Variants in PCDHA4 observed in about 807,000 individuals in gnomAD.
The protein encoded by PCDHA4 is protocadherin alpha 4.
PCDHA4 carries 49 observed loss-of-function variants against 61.4 expected under a neutral mutation model. That is an observed-to-expected ratio of 0.80 (90% CI 0.63 to 1.01). The LOEUF (loss-of-function observed/expected upper bound fraction) is 1.01. Among genes scored for constraint, PCDHA4 ranks in the 50% least tolerant of loss-of-function variants. PCDHA4 has a pLI of 0.00. For missense variants in PCDHA4, 1,254 were observed against 1,235.8 expected (o/e 1.01, Z -0.22); for synonymous variants, 590 against 550.3 (o/e 1.07, Z -1.01).
At chr5:140,924,697 C>A (rs1443260109) in intron 1 of PCDHA4, among the ~76,000 whole-genome samples, 5 of 151,946 alleles carry the variant, frequency 3.3e-5, no homozygotes, top group Admixed American at 2.6e-4. Context: ...GAGTTCGAGA[C>A]CAGCTTGTGC....
intron 1 of PCDHA4, among the ~76,000 whole-genome samples, chr5:140,888,286 C>T (rs1277980750): frequency 6.6e-6 from 1 of 152,080 alleles, no homozygotes; most frequent in African/African-American, 2.4e-5. Context: ...TCCCCTCTAC[C>T]CCCTACCCAG....
intron 3 of PCDHA4, among the ~76,000 whole-genome samples, chr5:141,000,385 C>A (rs868983393): frequency 3.1e-5 from 2 of 64,984 alleles, no homozygotes; most frequent in South Asian, 5.2e-4. Flanking sequence ...CTCTCTCTCT[C>A]TCTCTCTCTC....
chr5:140,842,130 A>G (rs2150330073), intron 1 of PCDHA4: 80 of 1,613,774 alleles, frequency 5.0e-5, no homozygotes, highest in Non-Finnish European at 6.6e-5. Context: ...TCTGATCCGG[A>G]TGAAGGAGCC....
Position 140,910,416 on chromosome 5 carries a change from A to G in PCDHA4, c.2386-68533A>G, listed in dbSNP as rs191093101. Among the ~76,000 whole-genome samples, 67 of 152,280 alleles carry G rather than the reference A, an allele frequency of 4.4e-4. No individual in the cohort carries two copies. In the East Asian group the frequency reaches 0.013, roughly 28 times the overall value. ...CTGGCCCCTGCCACCTCGAGATCCAATTATTCCCATTGCATTTAAGTTTTG... is the reference window on the plus strand; with the variant it reads ...CTGGCCCCTGCCACCTCGAGATCCAGTTATTCCCATTGCATTTAAGTTTTG... On this transcript the variant is annotated intron_variant, in intron 1 of 3. Coordinates refer to ENST00000530339, the MANE Select transcript of PCDHA4 (RefSeq NM_018907.4).
chr5:140,928,836 C>G, intron 1 of PCDHA4: 2 of 1,614,168 alleles, frequency 1.2e-6, no homozygotes, highest in South Asian at 2.2e-5. Context: ...CACTTTCCTC[C>G]TCTGTCACTC....
chr5:140,966,888 C>A, intron 1 of PCDHA4: 13 of 1,593,128 alleles, frequency 8.2e-6, no homozygotes, highest in Non-Finnish European at 1.1e-5. Context: ...GGCCCTGCGG[C>A]CTCCCAGCTG....
chr5:140,967,691 A>G (rs1586235214), intron 1 of PCDHA4: 1 of 1,614,162 alleles, frequency 6.2e-7, no homozygotes, highest in East Asian at 2.2e-5. Flanking sequence ...GCAGCTCTTC[A>G]GCATAGATGC....
intron 3 of PCDHA4, among the ~76,000 whole-genome samples, chr5:140,998,540 T>TA (rs1304307081): frequency 6.6e-6 from 1 of 151,542 alleles, no homozygotes; most frequent in African/African-American, 2.4e-5. Context: ...CCCTAATTCC[T>TA]AATTTAATGT....
intron 1 of PCDHA4, among the ~76,000 whole-genome samples, chr5:140,887,589 T>C (rs1271786236): frequency 6.6e-6 from 1 of 152,120 alleles, no homozygotes; most frequent in Non-Finnish European, 1.5e-5. Context: ...CTTTTGCAGA[T>C]TGATTGTGAT....
In PCDHA4 at chr5:141,010,204, C is replaced by G. The variant is rs1238256859; in HGVS notation, c.*267C>G. ...GACCCAAGTTTCCTTTCTCCTCCGC[C>G]GCAAAGGAGAGGCTTCCCAGCCCCG... On this transcript the variant is annotated 3_prime_UTR_variant, in exon 4 of 4. Transcript: ENST00000530339. 1.3e-5 allele frequency: 20 copies of G among 1,551,852 alleles called. No homozygotes were observed. Among genetic ancestry groups the G allele is most frequent in the Non-Finnish European group, 1.7e-5 (20 of 1,147,056 alleles).
chr5:140,858,998 T>G, intron 1 of PCDHA4: 1 of 151,598 alleles, frequency 6.6e-6, no homozygotes, highest in East Asian at 1.9e-4. Context: ...TTGGTAAAAA[T>G]TTCTTAATCT....
chr5:140,829,246 G>C (rs2150164613), intron 1 of PCDHA4: 1 of 1,614,268 alleles, frequency 6.2e-7, no homozygotes. Context: ...ACGGGCAGGT[G>C]AACTGCTCGC....
rs781872854 is a variant in PCDHA4 at position 140,856,136 on chromosome 5, C to T, written c.2385+46564C>T. On this transcript the variant is annotated intron_variant, in intron 1 of 3. Coordinates refer to ENST00000530339, the MANE Select transcript of PCDHA4 (RefSeq NM_018907.4). ...AGCCTGGGAGGTGGGGAGCGGCCAGCTCCACTACTCAGTCTACGAGGAGGC... is the reference window on the plus strand; with the variant it reads ...AGCCTGGGAGGTGGGGAGCGGCCAGTTCCACTACTCAGTCTACGAGGAGGC... 28 of 1,598,232 alleles carry T rather than the reference C, an allele frequency of 1.8e-5. 1 individual carries two copies. Among genetic ancestry groups the T allele is most frequent in the Non-Finnish European group, 2.4e-5 (28 of 1,167,860 alleles).
At chr5:140,814,460 T>C in intron 1 of PCDHA4, 1 of 152,138 alleles carries the variant, frequency 6.6e-6, no homozygotes, top group East Asian at 1.9e-4. Flanking sequence ...TTTTTTTTTT[T>C]TGAGTTAATG....
chr5:140,916,723 T>C (rs1264644464), intron 1 of PCDHA4, among the ~76,000 whole-genome samples: 1 of 152,186 alleles, frequency 6.6e-6, no homozygotes, highest in Non-Finnish European at 1.5e-5. Context: ...GGAGTGACTT[T>C]TGTTGCTGCA....
At position 141,010,044 on chromosome 5, in the gene PCDHA4, G is replaced by C; in HGVS notation, c.*107G>C. Reference sequence around the variant, plus strand: ...TTTCCTATCTACATGAGCCCTCTTAGAGACCTCAGAAATCTGCAGAAAGTT... The same window carrying C: ...TTTCCTATCTACATGAGCCCTCTTACAGACCTCAGAAATCTGCAGAAAGTT... On this transcript the variant is annotated 3_prime_UTR_variant, in exon 4 of 4. Coordinates refer to ENST00000530339, the MANE Select transcript of PCDHA4 (RefSeq NM_018907.4). 1.3e-6 allele frequency: 2 copies of C among 1,594,604 alleles called. No individual in the cohort carries two copies. Among genetic ancestry groups the C allele is most frequent in the Non-Finnish European group, 1.7e-6 (2 of 1,171,226 alleles).
chr5:140,933,629 C>G (rs958764636), intron 1 of PCDHA4, among the ~76,000 whole-genome samples: 1 of 151,846 alleles, frequency 6.6e-6, no homozygotes, highest in Non-Finnish European at 1.5e-5. Context: ...TTAGGCTGGC[C>G]CTGTTAAACA....
At chr5:140,991,539 C>T (rs1458315356) in intron 3 of PCDHA4, among the ~76,000 whole-genome samples, 3 of 152,164 alleles carry the variant, frequency 2.0e-5, no homozygotes, top group Admixed American at 6.6e-5. Context: ...CACTATATAA[C>T]AAGGATCCAC....
chr5:140,943,617 T>A (rs2093532711), intron 1 of PCDHA4, among the ~76,000 whole-genome samples: 1 of 152,208 alleles, frequency 6.6e-6, no homozygotes, highest in Non-Finnish European at 1.5e-5. Context: ...TTGATTCATC[T>A]GCATAAGGAA....
Sources: gnomAD v4.1 joint callset for allele counts (sites outside exome capture counted in the v4.1 genomes callset) on GRCh38, gnomAD v4.1.1 for gene constraint, MANE v1.5 for transcripts, NCBI Gene and HGNC (gene_info 2026-07-23, HGNC 2026-07-21) for gene names.